The following DNAH6 variants were observed in gnomAD, a reference collection of about 807,000 sequenced individuals.
DNAH6 encodes the protein dynein axonemal heavy chain 6.
A neutral mutation model predicts 491.4 loss-of-function variants in DNAH6; 340 were observed. The ratio of observed to expected loss-of-function variants is 0.69; its 90% CI spans 0.63 to 0.76. The LOEUF (loss-of-function observed/expected upper bound fraction) is 0.76, where lower values mean the gene tolerates loss of function less well. Among genes scored for constraint, DNAH6 ranks in the 30% least tolerant of loss-of-function variants. The pLI is 0.00. For synonymous variants in DNAH6, 1,603 were observed against 1,686.1 expected, an observed-to-expected ratio of 0.95 and a Z score of 1.21; for missense variants, 4,443 against 4,972.2, an observed-to-expected ratio of 0.89 and a Z score of 3.20.
At chr2:84,621,627 G>A in intron 26 of DNAH6, 76 bp downstream of exon 26, 1 of 768,480 alleles carries the variant, frequency 1.3e-6, no homozygotes, top group South Asian at 2.1e-5. Context: ...CACAGTTAAT[G>A]CAAATTCACT....
rs1287085005 is a variant in DNAH6, at chr2:84,677,114, A to G, written c.6722A>G (p.His2241Arg). The G allele has an allele frequency of 2.6e-6, 4 of 1,551,714 alleles. No homozygotes were observed. The highest frequency in any genetic ancestry group is 2.4e-5 in the South Asian group (2 of 84,056). Residue 2241 changes from histidine (H) to arginine (R), a missense_variant, in exon 41 of 77, where the codon CAC becomes CGC. This residue lies in a region of DNAH6 where 2,977 missense variants were observed against 3,296.6 expected (regional missense o/e 0.90). Coordinates refer to ENST00000389394, the MANE Select transcript of DNAH6 (RefSeq NM_001370.2). ...CTGTGCCTCCCAATGCCCTCAGAGC[A>G]CAGTCTGAAACAGATTTTTCAGGTG... ...SMLCLPMPSE[H>R]SLKQIFQAIL...
At chr2:84,718,877 T>C (rs573316655) in intron 59 of DNAH6, among the ~76,000 whole-genome samples, 2 of 152,240 alleles carry the variant, frequency 1.3e-5, no homozygotes, top group South Asian at 2.1e-4. Flanking sequence ...ATAGTTCATT[T>C]TGATATTCCT....
In DNAH6 at chr2:84,573,448, G is replaced by T. The variant is rs754139656; in HGVS notation, c.1804-19G>T. On this transcript the variant is annotated intron_variant, in intron 11 of 76. Coordinates refer to ENST00000389394, the MANE Select transcript of DNAH6 (RefSeq NM_001370.2). The stretch of plus-strand genomic sequence containing the variant: ...AACAAAAATATGGTCATATTTGTCT[G>T]CTTATTTATAACATTTAGGAAACCA... 5.8e-6 allele frequency: 9 copies of T among 1,561,330 alleles called. No individual in the cohort carries two copies. In the African/African-American group the frequency reaches 9.8e-5, roughly 17 times the overall value.
At chr2:84,737,574 G>A (rs1411721613) in intron 62 of DNAH6, among the ~76,000 whole-genome samples, 1 of 151,882 alleles carries the variant, frequency 6.6e-6, no homozygotes, top group East Asian at 1.9e-4. Flanking sequence ...GTGTTTCCAG[G>A]AATTGATCCA....
chr2:84,464,471 A>G, the DNAH6 span, among the ~76,000 whole-genome samples: 1 of 152,194 alleles, frequency 6.6e-6, no homozygotes. Flanking sequence ...TGCAAGAAAG[A>G]ATTCAGGGCA....
intron 63 of DNAH6, among the ~76,000 whole-genome samples, chr2:84,761,122 G>A (rs1299205844): frequency 6.6e-6 from 1 of 152,136 alleles, no homozygotes; most frequent in African/African-American, 2.4e-5. Flanking sequence ...ATACACAGTT[G>A]AATACTATAT....
intron 63 of DNAH6, among the ~76,000 whole-genome samples, chr2:84,762,447 A>C (rs931562952): frequency 1.3e-5 from 2 of 152,220 alleles, no homozygotes; most frequent in Non-Finnish European, 2.9e-5. Flanking sequence ...AAAGTCCACA[A>C]GAATGTGAAA....
Position 84,704,129 on chromosome 2 carries a change from A to C in DNAH6, c.8292A>C (p.Ala2764=), listed in dbSNP as rs1474525662. 1 of 1,551,788 alleles carries C rather than the reference A, an allele frequency of 6.4e-7. No individual in the cohort carries two copies. The highest frequency in any genetic ancestry group is 8.7e-7 in the Non-Finnish European group (1 of 1,147,044). Reference sequence around the variant, plus strand: ...AAGTCAAAGCTGAAGAAACCCAAGCAATAGCTGATGATGCTCAAAGAGATC... The same window carrying C: ...AAGTCAAAGCTGAAGAAACCCAAGCCATAGCTGATGATGCTCAAAGAGATC... ...TAKVKAEETQ[A]IADDAQRDLD... Residue 2764 remains alanine, a synonymous_variant, in exon 51 of 77, where the codon GCA becomes GCC. Coordinates refer to ENST00000389394, the MANE Select transcript of DNAH6 (RefSeq NM_001370.2).
chr2:84,489,003 G>A, the DNAH6 span, among the ~76,000 whole-genome samples: 1 of 152,146 alleles, frequency 6.6e-6, no homozygotes, highest in East Asian at 1.9e-4. Context: ...TGATAAAGAT[G>A]ATATAGATTA....
intron 64 of DNAH6, chr2:84,778,193 T>A: frequency 1.4e-6 from 1 of 699,338 alleles, no homozygotes; most frequent in Admixed American, 2.0e-5. Context: ...TGTAGAAGAT[T>A]ATGAATCAGC....
intron 26 of DNAH6, among the ~76,000 whole-genome samples, chr2:84,622,971 T>C (rs2104409645): frequency 6.6e-6 from 1 of 152,318 alleles, no homozygotes; most frequent in South Asian, 2.1e-4. Flanking sequence ...GCCCTTTATA[T>C]GTCTTTTTCT....
At position 84,517,939 on chromosome 2, in the gene DNAH6, A is replaced by G; in HGVS notation, c.113A>G (p.Tyr38Cys). The change falls in exon 2 of 77, where the codon TAT becomes TGT. Residue 38 changes from tyrosine to cysteine, a missense_variant. By Grantham distance (194) the Tyr-to-Cys change is radical. Around this residue, in one of 3 missense-constraint regions of DNAH6, gnomAD observed 2,977 missense variants for 3,296.6 expected, o/e 0.90. Transcript: ENST00000389394. ...ATAAAAGCCAAACAAAGAGTGAGTT[A>G]TGTGACATCCACAGAAAATGAATCT... ...NNIKAKQRVS[Y>C]VTSTENESDT... 6.4e-7 allele frequency: 1 copy of G among 1,551,592 alleles called. No homozygotes were observed. Among genetic ancestry groups the G allele is most frequent in the Non-Finnish European group, 8.7e-7 (1 of 1,146,866 alleles).
Position 84,669,487 on chromosome 2 carries a change from A to G in DNAH6, c.6283A>G (p.Thr2095Ala). 1 of 1,551,774 alleles carries G rather than the reference A, an allele frequency of 6.4e-7. No individual in the cohort carries two copies. The highest frequency in any genetic ancestry group is 8.7e-7 in the Non-Finnish European group (1 of 1,146,976). The change falls in exon 38 of 77, where the codon ACT becomes GCT. Residue 2095 changes from threonine to alanine, a missense_variant. Physicochemically the swap from Thr to Ala is moderately conservative, Grantham distance 58. This residue lies in a region of DNAH6 where 2,977 missense variants were observed against 3,296.6 expected (regional missense o/e 0.90). Coordinates refer to ENST00000389394, the MANE Select transcript of DNAH6 (RefSeq NM_001370.2). ...LLAVKHSVLF[T>A]GITGVGKSVI... ...GGCAGTCAAGCATTCCGTGTTGTTTACTGGAATAACTGGAGTGGGCAAGGT... is the reference window on the plus strand; with the variant it reads ...GGCAGTCAAGCATTCCGTGTTGTTTGCTGGAATAACTGGAGTGGGCAAGGT...
chr2:84,681,657 A>G, intron 42 of DNAH6, 129 bp downstream of exon 42: 2 of 729,754 alleles, frequency 2.7e-6, no homozygotes, highest in East Asian at 3.3e-5. Flanking sequence ...ACCTGTTCCT[A>G]TTCAGGCTGA....
At chr2:84,601,452 A>T (rs993015939) in intron 18 of DNAH6, among the ~76,000 whole-genome samples, 1 of 152,018 alleles carries the variant, frequency 6.6e-6, no homozygotes, top group African/African-American at 2.4e-5. Context: ...TGACCCCTTC[A>T]TCATTATTAA....
At position 84,681,345 on chromosome 2, in the gene DNAH6, T is replaced by G; in HGVS notation, c.6745-12T>G. On this transcript the variant is annotated splice_polypyrimidine_tract_variant and intron_variant, in intron 41 of 76. Coordinates refer to ENST00000389394, the MANE Select transcript of DNAH6 (RefSeq NM_001370.2). ...TAAATCTAATCCTCTCATATTATGTTTCTGGTTCTAGGCCATCTTAAATGG... is the reference window on the plus strand; with the variant it reads ...TAAATCTAATCCTCTCATATTATGTGTCTGGTTCTAGGCCATCTTAAATGG... The G allele has an allele frequency of 6.6e-7, 1 of 1,518,870 alleles. No homozygotes were observed. Among genetic ancestry groups the G allele is most frequent in the Non-Finnish European group, 8.8e-7 (1 of 1,130,966 alleles). The allele number at this position is 1,518,870 out of a possible 1,614,324, so 94.1% of individuals were successfully genotyped here.
Position 84,688,788 on chromosome 2 carries a change from CAG to C in DNAH6, c.7292+198_7292+199del, listed in dbSNP as rs1187298363. Among the ~76,000 whole-genome samples, 4 of 152,268 alleles carry C rather than the reference CAG, an allele frequency of 2.6e-5. No individual in the cohort carries two copies. The South Asian group carries it at 8.3e-4, about 32-fold the overall frequency. Reference sequence around the variant, plus strand: ...TGGAATGAGCTTTCTATGGAATCCCCAGAGTCATTTTTTTGCTAAATATTAGT... The same window carrying C: ...TGGAATGAGCTTTCTATGGAATCCCCAGTCATTTTTTTGCTAAATATTAGT... On this transcript the variant is annotated intron_variant, in intron 45 of 76. Transcript: ENST00000389394.
chr2:84,806,740 A>G lies in DNAH6; in HGVS notation c.11611+946A>G, dbSNP rs555676291. ...ATTATTCATGGTTGGAAGAGATGTC[A>G]TTATAGGAAAAAGAAAATTGAGGCA... is the stretch of plus-strand genomic sequence containing the variant. On this transcript the variant is annotated intron_variant, in intron 71 of 76. Coordinates refer to ENST00000389394, the MANE Select transcript of DNAH6 (RefSeq NM_001370.2). Among the ~76,000 whole-genome samples the G allele has an allele frequency of 2.0e-5, 3 of 152,076 alleles. No homozygotes were observed. In the South Asian group the frequency reaches 6.2e-4, roughly 32 times the overall value.
Position 84,818,313 on chromosome 2 carries a change from A to T in DNAH6, c.12374-992A>T, listed in dbSNP as rs149245617. Among the ~76,000 whole-genome samples the T allele has an allele frequency of 5.5e-4, 84 of 151,964 alleles. 1 individual carries two copies. Among genetic ancestry groups the T allele is most frequent in the African/African-American group, 2.0e-3 (82 of 41,462 alleles). On this transcript the variant is annotated intron_variant, in intron 76 of 76. Coordinates refer to ENST00000389394, the MANE Select transcript of DNAH6 (RefSeq NM_001370.2). Reference sequence around the variant, plus strand: ...CTGCCAGCCTGGGCAAGATGACGAGACCCCGTCTCTACAAAAAATACAAAA... The same window carrying T: ...CTGCCAGCCTGGGCAAGATGACGAGTCCCCGTCTCTACAAAAAATACAAAA...
Sources: gnomAD v4.1 joint callset for allele counts (sites outside exome capture counted in the v4.1 genomes callset) on GRCh38, gnomAD v4.1.1 for gene constraint, gnomAD v4.1.1 regional missense constraint, MANE v1.5 for transcripts, NCBI Gene and HGNC (gene_info 2026-07-23, HGNC 2026-07-21) for gene names.